The following CSMD1 variants were observed in gnomAD, a reference collection of about 807,000 sequenced individuals.
The protein encoded by CSMD1 is CUB and Sushi multiple domains 1.
Under a neutral mutation model 417.5 loss-of-function variants are expected in CSMD1, and 213 were observed. The observed-to-expected ratio is 0.51, with a 90% CI of 0.46 to 0.57. The LOEUF (loss-of-function observed/expected upper bound fraction) is 0.57, where lower values mean the gene tolerates loss of function less well. Ranked by LOEUF, CSMD1 falls within the 20% of genes least tolerant of loss-of-function variation. The pLI, the probability that CSMD1 is intolerant of heterozygous loss-of-function variation, is 0.00. For missense variants in CSMD1, 6,923 were observed against 4,529.7 expected (o/e 1.53, Z -15.17); for synonymous variants, 2,862 against 1,736.8 (o/e 1.65, Z -16.11).
chr8:4,558,724 C>A (rs1264372603), intron 2 of CSMD1, among the ~76,000 whole-genome samples: 2 of 152,054 alleles, frequency 1.3e-5, no homozygotes, highest in Admixed American at 6.6e-5. Flanking sequence ...AAAAAATTAG[C>A]CCAGCATGGT....
chr8:4,811,983 A>C (rs1563464112), intron 1 of CSMD1, among the ~76,000 whole-genome samples: 1 of 152,202 alleles, frequency 6.6e-6, no homozygotes, highest in Non-Finnish European at 1.5e-5. Flanking sequence ...TAAAATAATA[A>C]ACGAAAGACA....
chr8:2,946,843 A>C (rs1168924396), intron 68 of CSMD1, among the ~76,000 whole-genome samples: 1 of 152,210 alleles, frequency 6.6e-6, no homozygotes, highest in Non-Finnish European at 1.5e-5. Context: ...ACATTTCCCC[A>C]GCAAAGTAGG....
chr8:3,275,455 C>G (rs1431061264), intron 26 of CSMD1, among the ~76,000 whole-genome samples: 1 of 152,096 alleles, frequency 6.6e-6, no homozygotes, highest in Admixed American at 6.6e-5. Flanking sequence ...CTCTGTATTT[C>G]CTGAATGTGA....
At chr8:3,711,965 G>T (rs1376635835) in intron 6 of CSMD1, among the ~76,000 whole-genome samples, 3 of 152,162 alleles carry the variant, frequency 2.0e-5, no homozygotes, top group Non-Finnish European at 4.4e-5. Context: ...GGACGATCAA[G>T]GTATGCGAAT....
chr8:2,964,018 C>T (rs577102975), intron 59 of CSMD1, among the ~76,000 whole-genome samples: 25 of 152,246 alleles, frequency 1.6e-4, no homozygotes, highest in Middle Eastern at 3.4e-3. Context: ...GGTGATGTCA[C>T]GAGAGATCAC....
chr8:4,017,765 AAATG>A, intron 4 of CSMD1, among the ~76,000 whole-genome samples: 1 of 152,276 alleles, frequency 6.6e-6, no homozygotes, highest in South Asian at 2.1e-4. Context: ...CTTCCTAAAT[AAATG>A]AAGAGATGTC....
chr8:3,288,384 C>G (rs913863174), intron 25 of CSMD1, among the ~76,000 whole-genome samples: 1 of 147,098 alleles, frequency 6.8e-6, no homozygotes, highest in Non-Finnish European at 1.5e-5. Flanking sequence ...GTACCAGCTC[C>G]TCCTTGTACC....
At chr8:4,206,820 T>G (rs1585022638) in intron 3 of CSMD1, among the ~76,000 whole-genome samples, 1 of 152,334 alleles carries the variant, frequency 6.6e-6, no homozygotes, top group East Asian at 1.9e-4. Flanking sequence ...ATTTATGACT[T>G]TTGAGTGATT....
chr8:4,240,670 G>A (rs972668578), intron 3 of CSMD1, among the ~76,000 whole-genome samples: 2 of 152,012 alleles, frequency 1.3e-5, no homozygotes, highest in Non-Finnish European at 2.9e-5. Context: ...ATACACTCCT[G>A]GCTCCCATCC....
In CSMD1 at chr8:4,918,467, T is replaced by C. The variant is rs954527263; in HGVS notation, c.85+75865A>G. Among the ~76,000 whole-genome samples the C allele has an allele frequency of 2.0e-5, 3 of 152,126 alleles. No homozygotes were observed. In the East Asian group the frequency reaches 5.8e-4, roughly 29 times the overall value. The stretch of plus-strand genomic sequence containing the variant: ...CACCTGGACTTCATTACCCATTTTC[T>C]AACTTTCTGCACAATGTGTATGTCT... On this transcript the variant is annotated intron_variant, in intron 1 of 69. Transcript: ENST00000635120.
At chr8:4,442,040 G>A (rs1344414895) in intron 2 of CSMD1, among the ~76,000 whole-genome samples, 2 of 152,092 alleles carry the variant, frequency 1.3e-5, no homozygotes, top group African/African-American at 4.8e-5. Flanking sequence ...TTTCTAAGAG[G>A]TCTGGAAACC....
At chr8:3,072,908 T>C (rs933890339) in intron 49 of CSMD1, among the ~76,000 whole-genome samples, 14 of 152,186 alleles carry the variant, frequency 9.2e-5, no homozygotes, top group African/African-American at 3.1e-4. Context: ...AACCCAGTAT[T>C]TGCCTTCAAG....
chr8:4,044,189 T>C (rs1216744118), intron 3 of CSMD1, among the ~76,000 whole-genome samples: 2 of 152,144 alleles, frequency 1.3e-5, no homozygotes, highest in Non-Finnish European at 2.9e-5. Context: ...ATTCTAAAAG[T>C]TGAGGGATCT....
At chr8:4,007,498 T>C (rs753934969) in intron 4 of CSMD1, among the ~76,000 whole-genome samples, 37 of 152,018 alleles carry the variant, frequency 2.4e-4, no homozygotes, top group Non-Finnish European at 4.1e-4. Context: ...GCCCGCCCTC[T>C]CTGGCCACCA....
chr8:3,227,329 A>AAGT (rs35546927), intron 27 of CSMD1, among the ~76,000 whole-genome samples: 1 of 152,150 alleles, frequency 6.6e-6, no homozygotes, highest in Non-Finnish European at 1.5e-5. Context: ...GGAACACGGA[A>AAGT]GGAGGTTGCA....
intron 5 of CSMD1, among the ~76,000 whole-genome samples, chr8:3,990,959 CAGA>C (rs1814697177): frequency 6.6e-6 from 1 of 152,272 alleles, no homozygotes; most frequent in Non-Finnish European, 1.5e-5. Context: ...TGATGCTTTT[CAGA>C]AGGACAGGAG....
intron 10 of CSMD1, among the ~76,000 whole-genome samples, chr8:3,561,953 G>A (rs879821814): frequency 3.3e-5 from 5 of 152,138 alleles, no homozygotes; most frequent in East Asian, 1.9e-4. Flanking sequence ...TGAGCTGCGT[G>A]TGCCTGTGTG....
chr8:4,662,754 C>G (rs1410883490), intron 1 of CSMD1, among the ~76,000 whole-genome samples: 1 of 152,190 alleles, frequency 6.6e-6, no homozygotes, highest in Non-Finnish European at 1.5e-5. Flanking sequence ...TCCACCGTTC[C>G]TATGGATGAT....
At chr8:3,836,361 C>T (rs1802701739) in intron 5 of CSMD1, among the ~76,000 whole-genome samples, 1 of 152,076 alleles carries the variant, frequency 6.6e-6, no homozygotes, top group South Asian at 2.1e-4. Context: ...TAGCTATATC[C>T]TTGTGGGAAT....
Sources: gnomAD v4.1 joint callset for allele counts (sites outside exome capture counted in the v4.1 genomes callset) on GRCh38, gnomAD v4.1.1 for gene constraint, MANE v1.5 for transcripts, NCBI Gene and HGNC (gene_info 2026-07-23, HGNC 2026-07-21) for gene names.